Variants in TFDP2 observed in about 807,000 individuals in gnomAD.
TFDP2 encodes transcription factor Dp-2 (E2F dimerization partner 2).
In TFDP2, 17 loss-of-function variants were observed where a neutral mutation model predicts 59.3. That is an observed-to-expected ratio of 0.29 (90% CI 0.20 to 0.43). TFDP2 has a LOEUF of 0.43. Among genes scored for constraint, TFDP2 ranks in the 20% least tolerant of loss-of-function variants. The pLI is 1.00. For synonymous variants in TFDP2, 180 were observed against 194.7 expected (o/e 0.92, Z 0.63); for missense variants, 391 against 528.8 (o/e 0.74, Z 2.56).
At chr3:142,099,205 T>C (rs187880786) in intron 2 of TFDP2, among the ~76,000 whole-genome samples, 20 of 152,270 alleles carry the variant, frequency 1.3e-4, no homozygotes, top group African/African-American at 4.3e-4. Flanking sequence ...TGAAACACTT[T>C]CTTCACCTGG....
chr3:142,081,459 T>C (rs2060637091), intron 3 of TFDP2, among the ~76,000 whole-genome samples: 1 of 151,932 alleles, frequency 6.6e-6, no homozygotes, highest in Non-Finnish European at 1.5e-5. Context: ...AACCTAAAAT[T>C]TGTAGAAGAA....
At chr3:142,124,830 G>T (rs1366585211) in intron 1 of TFDP2, among the ~76,000 whole-genome samples, 1 of 151,988 alleles carries the variant, frequency 6.6e-6, no homozygotes, top group Non-Finnish European at 1.5e-5. Flanking sequence ...TCTACCTTGT[G>T]AACTATGAGC....
intron 3 of TFDP2, among the ~76,000 whole-genome samples, chr3:142,088,890 T>C (rs2108607161): frequency 6.6e-6 from 1 of 151,978 alleles, no homozygotes; most frequent in Non-Finnish European, 1.5e-5. Context: ...TGCAATGACG[T>C]GATCTTGGCT....
chr3:142,054,591 A>G (rs1056352667), intron 3 of TFDP2, among the ~76,000 whole-genome samples: 4 of 152,182 alleles, frequency 2.6e-5, no homozygotes, highest in East Asian at 1.9e-4. Context: ...TCGTGTTTGT[A>G]TATCAATGCA....
In TFDP2 at chr3:142,035,008, C is replaced by G. The variant is rs1027679022; in HGVS notation, c.83-29464G>C. Among the ~76,000 whole-genome samples, 7 of 152,318 alleles carry G rather than the reference C, an allele frequency of 4.6e-5. No individual in the cohort carries two copies. In the East Asian group the frequency reaches 1.4e-3, roughly 29 times the overall value. On this transcript the variant is annotated intron_variant, in intron 3 of 12. Coordinates refer to ENST00000489671, the MANE Select transcript of TFDP2 (RefSeq NM_001178139.2). ...GGTGTGAGCCACCACACCCAGCCTTCTCTTGGCTTTTATAAAGACTATTCC... is the reference window on the plus strand; with the variant it reads ...GGTGTGAGCCACCACACCCAGCCTTGTCTTGGCTTTTATAAAGACTATTCC...
chr3:141,990,419 C>T (rs1251763391), intron 6 of TFDP2, among the ~76,000 whole-genome samples: 1 of 152,090 alleles, frequency 6.6e-6, no homozygotes, highest in African/African-American at 2.4e-5. Context: ...GGATTACAGG[C>T]ACCCACCACC....
chr3:142,041,514 A>G (rs1470675999), intron 3 of TFDP2, among the ~76,000 whole-genome samples: 2 of 152,228 alleles, frequency 1.3e-5, no homozygotes, highest in Non-Finnish European at 2.9e-5. Flanking sequence ...CCATCATGTA[A>G]GACGTGACTT....
At chr3:142,130,238 TATAC>T (rs537102818) in intron 1 of TFDP2, among the ~76,000 whole-genome samples, 9 of 152,232 alleles carry the variant, frequency 5.9e-5, no homozygotes, top group Admixed American at 1.3e-4. Context: ...AAATGTAACA[TATAC>T]ATAGAGTATT....
At chr3:142,116,726 T>C (rs1384681191) in intron 1 of TFDP2, among the ~76,000 whole-genome samples, 1 of 152,238 alleles carries the variant, frequency 6.6e-6, no homozygotes, top group Non-Finnish European at 1.5e-5. Flanking sequence ...GTTTTTTCTC[T>C]GTTTCCTTTT....
chr3:142,038,004 A>G (rs1430451480), intron 3 of TFDP2, among the ~76,000 whole-genome samples: 1 of 152,200 alleles, frequency 6.6e-6, no homozygotes, highest in African/African-American at 2.4e-5. Flanking sequence ...GTGAAAGAAT[A>G]TAAATTATTT....
chr3:142,027,264 TC>T (rs1946162207), intron 3 of TFDP2, among the ~76,000 whole-genome samples: 1 of 145,260 alleles, frequency 6.9e-6, no homozygotes, highest in Admixed American at 7.2e-5. Context: ...ATTTTGTTAC[TC>T]TATGACTTTC....
chr3:142,011,602 G>GAA (rs548076797), intron 3 of TFDP2, among the ~76,000 whole-genome samples: 1 of 64,176 alleles, frequency 1.6e-5, no homozygotes, highest in African/African-American at 4.4e-5. Flanking sequence ...AAAAAAAAAA[G>GAA]AAAAAAAAAA....
intron 3 of TFDP2, among the ~76,000 whole-genome samples, chr3:142,076,210 CAAAAAAAA>C (rs56018016): frequency 8.0e-5 from 9 of 112,146 alleles, no homozygotes; most frequent in Non-Finnish European, 1.7e-4. Context: ...GACTCCGTCT[CAAAAAAAA>C]AAAAAAAAGA....
chr3:142,096,486 T>C (rs1376249877), intron 2 of TFDP2, among the ~76,000 whole-genome samples: 1 of 152,164 alleles, frequency 6.6e-6, no homozygotes, highest in Non-Finnish European at 1.5e-5. Flanking sequence ...GAGGAAAATA[T>C]GCTGAGTATT....
chr3:142,030,315 A>G (rs2108404587), intron 3 of TFDP2, among the ~76,000 whole-genome samples: 1 of 152,320 alleles, frequency 6.6e-6, no homozygotes, highest in South Asian at 2.1e-4. Context: ...TGTTTTCACT[A>G]CTGGATGTGA....
At chr3:142,004,584 T>C (rs1944071218) in intron 4 of TFDP2, among the ~76,000 whole-genome samples, 1 of 152,258 alleles carries the variant, frequency 6.6e-6, no homozygotes, top group Non-Finnish European at 1.5e-5. Context: ...TGCTCTAGCA[T>C]AATTAATGAA....
At chr3:142,021,067 A>G (rs1945558499) in intron 3 of TFDP2, among the ~76,000 whole-genome samples, 1 of 152,168 alleles carries the variant, frequency 6.6e-6, no homozygotes, top group African/African-American at 2.4e-5. Context: ...GTTATGTTTT[A>G]TTTTGATGCA....
chr3:141,990,914 C>T (rs559330013), intron 6 of TFDP2, among the ~76,000 whole-genome samples: 5 of 152,072 alleles, frequency 3.3e-5, no homozygotes, highest in South Asian at 2.1e-4. Flanking sequence ...AAAAATTAGC[C>T]GGGCATGGTG....
chr3:142,051,611 G>A (rs959617784), intron 3 of TFDP2, among the ~76,000 whole-genome samples: 2 of 151,836 alleles, frequency 1.3e-5, no homozygotes, highest in African/African-American at 4.8e-5. Flanking sequence ...TACCAAGAGA[G>A]TACAGTATTG....
Sources: gnomAD v4.1 joint callset for allele counts (sites outside exome capture counted in the v4.1 genomes callset) on GRCh38, gnomAD v4.1.1 for gene constraint, MANE v1.5 for transcripts, NCBI Gene and HGNC (gene_info 2026-07-23, HGNC 2026-07-21) for gene names.